TRIOBP: variants seen among roughly 807,000 people sequenced by gnomAD.
The protein encoded by TRIOBP is TRIO and F-actin binding protein.
In TRIOBP, 169 loss-of-function variants were observed where a neutral mutation model predicts 238.8. The ratio of observed to expected loss-of-function variants is 0.71; its 90% CI spans 0.62 to 0.80. The LOEUF (loss-of-function observed/expected upper bound fraction) is 0.80, where lower values mean the gene tolerates loss of function less well. Among genes scored for constraint, TRIOBP ranks in the 30% least tolerant of loss-of-function variants. The pLI is 0.00. For synonymous variants in TRIOBP, 1,150 were observed against 1,274.4 expected (o/e 0.90, Z 2.08); for missense variants, 2,838 against 3,122.6 (o/e 0.91, Z 2.17).
Position 37,726,202 on chromosome 22 carries a change from G to C in TRIOBP, c.3646G>C (p.Val1216Leu). 2 of 1,580,114 alleles carry C rather than the reference G, an allele frequency of 1.3e-6. No individual in the cohort carries two copies. Among genetic ancestry groups the C allele is most frequent in the Non-Finnish European group, 1.7e-6 (2 of 1,162,342 alleles). Residue 1216 changes from valine to leucine, a missense_variant, in exon 7 of 24, where the codon GTG (valine) becomes CTG (leucine). Coordinates refer to ENST00000644935, the MANE Select transcript of TRIOBP (RefSeq NM_001039141.3). The part of the protein sequence containing the change: ...LHGSPVLIPQ[V>L]CIGHRDAPRA... ...TGGCTCCCCAGTGCTGATCCCCCAAGTGTGCATCGGGCACCGGGATGCACC... is the reference window on the plus strand; with the variant it reads ...TGGCTCCCCAGTGCTGATCCCCCAACTGTGCATCGGGCACCGGGATGCACC...
intron 11 of TRIOBP, among the ~76,000 whole-genome samples, chr22:37,749,783 CAAAAAAA>C (rs893218020): frequency 1.4e-3 from 84 of 60,284 alleles, no homozygotes; most frequent in African/African-American, 3.0e-3. Context: ...CCCATCTCTA[CAAAAAAA>C]AAAAAAAAAA....
intron 16 of TRIOBP, among the ~76,000 whole-genome samples, 160 bp from the exon 17 acceptor site, chr22:37,758,994 C>G (rs1194865009): frequency 6.6e-6 from 1 of 152,112 alleles, no homozygotes; most frequent in Non-Finnish European, 1.5e-5. Flanking sequence ...ACATCTCACT[C>G]CAGGGCTGCT....
At chr22:37,705,875 C>T (rs1922920083) in intron 3 of TRIOBP, among the ~76,000 whole-genome samples, 1 of 152,178 alleles carries the variant, frequency 6.6e-6, no homozygotes, top group Admixed American at 6.5e-5. Context: ...CTCGCCCGGC[C>T]AAGCCACGGA....
intron 11 of TRIOBP, among the ~76,000 whole-genome samples, chr22:37,743,796 A>AATGT (rs1925056014): frequency 1.7e-5 from 2 of 114,908 alleles, no homozygotes; most frequent in Non-Finnish European, 3.5e-5. Flanking sequence ...AGAAAGAGAG[A>AATGT]GAGAATGTGT....
intron 3 of TRIOBP, among the ~76,000 whole-genome samples, chr22:37,707,076 T>G (rs1421301357): frequency 6.6e-6 from 1 of 152,156 alleles, no homozygotes; most frequent in East Asian, 1.9e-4. Flanking sequence ...GAGACCAGCC[T>G]GACTAGCATG....
In TRIOBP at chr22:37,724,452, C is replaced by G. The variant is rs369457742; in HGVS notation, c.1896C>G (p.Asp632Glu). Residue 632 changes from aspartate to glutamate, a missense_variant, in exon 7 of 24, where the codon GAC becomes GAG. Coordinates refer to ENST00000644935, the MANE Select transcript of TRIOBP (RefSeq NM_001039141.3). ...DNPRTSCAQR[D>E]NPRASSPNRT... Reference sequence around the variant, plus strand: ...CCAGAACATCCTGTGCCCAGCGGGACAATCCCAGAGCCTCCTCTCCCAACA... The same window carrying G: ...CCAGAACATCCTGTGCCCAGCGGGAGAATCCCAGAGCCTCCTCTCCCAACA... 10 of 1,612,752 alleles carry G rather than the reference C, an allele frequency of 6.2e-6. No individual in the cohort carries two copies. The highest frequency in any genetic ancestry group is 7.6e-6 in the Non-Finnish European group (9 of 1,179,398).
intron 15 of TRIOBP, among the ~76,000 whole-genome samples, chr22:37,756,149 G>A (rs1035801239): frequency 3.9e-5 from 6 of 152,306 alleles, no homozygotes; most frequent in Non-Finnish European, 7.4e-5. Context: ...GCTGGGCAGC[G>A]GGAACAGAGT....
At chr22:37,762,988 G>T (rs1263052405) in intron 17 of TRIOBP, among the ~76,000 whole-genome samples, 4 of 152,122 alleles carry the variant, frequency 2.6e-5, no homozygotes, top group Non-Finnish European at 4.4e-5. Flanking sequence ...CATGTCAAAG[G>T]TGGCAGCCAG....
In TRIOBP at chr22:37,725,612, G is replaced by A. The variant is rs375012942; in HGVS notation, c.3056G>A (p.Gly1019Glu). The change falls in exon 7 of 24, where the codon GGG (glycine) becomes GAG (glutamate). Residue 1019 changes from glycine (G) to glutamate (E), a missense_variant. By Grantham distance (98) the Gly-to-Glu change is moderately conservative (BLOSUM62 -2). Transcript: ENST00000644935. The stretch of plus-strand genomic sequence containing the variant: ...CAGCCTCCATGTGCTGTGTGCATTG[G>A]GCACCGGGATGCCCCTCGAGCCTCT... ...PSQPPCAVCI[G>E]HRDAPRASSP... 12 of 1,613,738 alleles carry A rather than the reference G, an allele frequency of 7.4e-6. No individual in the cohort carries two copies. Among genetic ancestry groups the A allele is most frequent in the African/African-American group, 1.3e-5 (1 of 74,840 alleles).
rs1194836777 is a variant in TRIOBP at position 37,774,168 on chromosome 22, AC to A, written c.*391del. 6.7e-6 allele frequency: 1 copy of A among 149,720 alleles called. No individual in the cohort carries two copies. The highest frequency in any genetic ancestry group is 1.5e-5 in the Non-Finnish European group (1 of 67,752). The allele number at this position is 149,720 out of a possible 1,614,324, so 9.3% of individuals were successfully genotyped here. A position where few individuals can be genotyped will look rare whatever the true frequency, so the allele number is the denominator to read the frequency against. On this transcript the variant is annotated 3_prime_UTR_variant, in exon 24 of 24. Coordinates refer to ENST00000644935, the MANE Select transcript of TRIOBP (RefSeq NM_001039141.3). Reference sequence around the variant, plus strand: ...AATTCCTGGTGGCTGTGTGCCTCCAACCCTGGTCCCCCTCTGTCTCCAGCCA... The same window carrying A: ...AATTCCTGGTGGCTGTGTGCCTCCAACCTGGTCCCCCTCTGTCTCCAGCCA...
In TRIOBP at chr22:37,772,583, C is replaced by A. The variant is rs765490753; in HGVS notation, c.6937-18C>A. ...AGGGAGAGACTTCATGCCCTCATAC[C>A]TGCCTCCTGCCCCCCAGGACAAGCG... is the stretch of plus-strand genomic sequence containing the variant. On this transcript the variant is annotated intron_variant, in intron 22 of 23. Transcript: ENST00000644935. 6.2e-7 allele frequency: 1 copy of A among 1,613,982 alleles called. No individual in the cohort carries two copies. The highest frequency in any genetic ancestry group is 2.2e-5 in the East Asian group (1 of 44,876).
intron 23 of TRIOBP, 96 bp downstream of exon 23, chr22:37,772,860 C>T (rs528663393): frequency 6.9e-7 from 1 of 1,450,280 alleles, no homozygotes; most frequent in African/African-American, 1.4e-5. Flanking sequence ...CCACTTCCTT[C>T]TTCTGGCCTC....
Position 37,758,052 on chromosome 22 carries a change from C to G in TRIOBP, c.6127C>G (p.Arg2043Gly), listed in dbSNP as rs137980797. The stretch of plus-strand genomic sequence containing the variant: ...GAAGCTGCCCCTGCGGGAGAATAAG[C>G]GGGTGCCCCTCACTGCCCTGCTCAA... ...LEKLPLRENKRVPLTALLNQS... is the reference protein window; with the variant it reads ...LEKLPLRENKGVPLTALLNQS... Residue 2043 changes from arginine to glycine, a missense_variant, in exon 16 of 24, where the codon CGG becomes GGG. Transcript: ENST00000644935. 2.0e-4 allele frequency: 328 copies of G among 1,611,860 alleles called. No individual in the cohort carries two copies. Among genetic ancestry groups the G allele is most frequent in the Non-Finnish European group, 2.5e-4 (298 of 1,179,816 alleles).
intron 11 of TRIOBP, among the ~76,000 whole-genome samples, chr22:37,742,473 G>A (rs1241766195): frequency 1.3e-5 from 2 of 152,094 alleles, no homozygotes; most frequent in African/African-American, 4.8e-5. Context: ...ACGTTGGCCA[G>A]GCTGGTTTCC....
intron 6 of TRIOBP, among the ~76,000 whole-genome samples, chr22:37,717,358 T>A (rs966902617): frequency 6.6e-6 from 1 of 152,176 alleles, no homozygotes; most frequent in Non-Finnish European, 1.5e-5. Flanking sequence ...TTCCACAGCA[T>A]GGAAGAGGAC....
chr22:37,719,482 A>T (rs934860743), intron 6 of TRIOBP, among the ~76,000 whole-genome samples: 1 of 152,056 alleles, frequency 6.6e-6, no homozygotes, highest in Non-Finnish European at 1.5e-5. Context: ...GAAGCAGGGG[A>T]TGGAGATGTG....
intron 15 of TRIOBP, 138 bp from the exon 16 acceptor site, chr22:37,757,475 A>G: frequency 8.5e-7 from 1 of 1,180,550 alleles, no homozygotes; most frequent in Non-Finnish European, 1.2e-6. Context: ...CAGGAAGCTC[A>G]GGTCGGGCTG....
At chr22:37,742,095 T>A (rs1924962792) in intron 11 of TRIOBP, among the ~76,000 whole-genome samples, 1 of 149,772 alleles carries the variant, frequency 6.7e-6, no homozygotes, top group Admixed American at 6.7e-5. Context: ...GTAGCTGGAA[T>A]TATAGGCGTG....
intron 3 of TRIOBP, among the ~76,000 whole-genome samples, chr22:37,710,035 C>T (rs146273085): frequency 1.1e-3 from 169 of 152,348 alleles, no homozygotes; most frequent in Non-Finnish European, 1.3e-3. Flanking sequence ...CGTTCTGGGG[C>T]GCACGCACAT....
Sources: allele counts gnomAD v4.1 joint callset (sites outside exome capture counted in the v4.1 genomes callset), GRCh38; gene constraint gnomAD v4.1.1; transcripts MANE v1.5; gene names NCBI Gene and HGNC (gene_info 2026-07-23, HGNC 2026-07-21).